IGSF23: variants seen among roughly 807,000 people sequenced by gnomAD.
IGSF23 encodes the protein immunoglobulin superfamily member 23, also known as immunoglobulin superfamily, member 23.
In IGSF23, 14 loss-of-function variants were observed where a neutral mutation model predicts 17.8. The ratio of observed to expected loss-of-function variants is 0.79; its 90% CI spans 0.52 to 1.23. The LOEUF (loss-of-function observed/expected upper bound fraction) is 1.23, where lower values mean the gene tolerates loss of function less well. Among genes scored for constraint, IGSF23 ranks in the 50% most tolerant of loss-of-function variants. IGSF23 has a pLI of 0.00. For synonymous variants in IGSF23, 85 were observed against 92.5 expected, an observed-to-expected ratio of 0.92 and a Z score of 0.46; for missense variants, 214 against 241.7, an observed-to-expected ratio of 0.89 and a Z score of 0.76.
At position 44,623,716 on chromosome 19, in the gene IGSF23, A is replaced by G; in HGVS notation, c.135A>G (p.Leu45=). 6.4e-7 allele frequency: 1 copy of G among 1,551,140 alleles called. No individual in the cohort carries two copies. The highest frequency in any genetic ancestry group is 8.7e-7 in the Non-Finnish European group (1 of 1,147,104). The change falls in exon 2 of 5, where the codon CTA becomes CTG. Residue 45 remains leucine, a synonymous_variant. Coordinates refer to ENST00000402988, the MANE Select transcript of IGSF23 (RefSeq NM_001205280.2). The part of the protein sequence containing the change: ...GDFPANLVLQ[L]MPLKTFPAAI... ...CTGTTTGCACAGACAGCCTCCAACTAATGCCACTGAAGACATTCCCAGCTG... is the reference window on the plus strand; with the variant it reads ...CTGTTTGCACAGACAGCCTCCAACTGATGCCACTGAAGACATTCCCAGCTG...
At position 44,636,668 on chromosome 19, in the gene IGSF23, A is replaced by AG. The variant is rs1491501394; in HGVS notation, c.*287dup. The AG allele has an allele frequency of 3.3e-5, 5 of 152,292 alleles. No homozygotes were observed. In the East Asian group the frequency reaches 7.7e-4, roughly 23 times the overall value. The allele number at this position is 152,292 out of a possible 1,614,324, so 9.4% of individuals were successfully genotyped here. ...TGTGGGAGCTCAGTGCTCAGAAAAC[A>AG]GGGGGGAGGTTTTACCTTGGAAATT... On this transcript the variant is annotated 3_prime_UTR_variant, in exon 5 of 5. Coordinates refer to ENST00000402988, the MANE Select transcript of IGSF23 (RefSeq NM_001205280.2).
At chr19:44,621,878 A>G (rs1002557676) in intron 1 of IGSF23, among the ~76,000 whole-genome samples, 2 of 152,186 alleles carry the variant, frequency 1.3e-5, no homozygotes, top group Non-Finnish European at 2.9e-5. Flanking sequence ...TGGGTCTCGC[A>G]TGCAGTATAA....
chr19:44,621,271 A>G (rs144566499), intron 1 of IGSF23, among the ~76,000 whole-genome samples: 2 of 136,170 alleles, frequency 1.5e-5, no homozygotes, highest in Non-Finnish European at 3.1e-5. Flanking sequence ...GGACACAGCA[A>G]GACCCTGTCT....
At chr19:44,629,939 A>G (rs965255029) in intron 3 of IGSF23, among the ~76,000 whole-genome samples, 2 of 152,046 alleles carry the variant, frequency 1.3e-5, no homozygotes, top group African/African-American at 4.8e-5. Flanking sequence ...TTTAATCTCC[A>G]TAAGAGCTGG....
At chr19:44,623,235 GGAAA>G (rs1972559652) in intron 1 of IGSF23, among the ~76,000 whole-genome samples, 1 of 152,202 alleles carries the variant, frequency 6.6e-6, no homozygotes, top group South Asian at 2.1e-4. Context: ...AGAGAAGGCA[GGAAA>G]TAATAAAAGC....
At position 44,613,665 on chromosome 19, in the gene IGSF23, G is replaced by T. The variant is rs752558678; in HGVS notation, c.20G>T (p.Ser7Ile). 19 of 1,549,270 alleles carry T rather than the reference G, an allele frequency of 1.2e-5. No homozygotes were observed. In the South Asian group the frequency reaches 2.0e-4, roughly 17 times the overall value. Reference sequence around the variant, plus strand: ...GAGAGAATGAGAGCAAAACCTCAGAGCCCCCTTCCCAGGAACCCTGTCCCA... The same window carrying T: ...GAGAGAATGAGAGCAAAACCTCAGATCCCCCTTCCCAGGAACCCTGTCCCA... MRAKPQSPLPRNPVPAW... is the reference protein window; with the variant it reads MRAKPQIPLPRNPVPAW... The change falls in exon 1 of 5, where the codon AGC becomes ATC. Residue 7 changes from serine to isoleucine, a missense_variant. Transcript: ENST00000402988.
intron 3 of IGSF23, 46 bp from the exon 4 acceptor site, chr19:44,635,355 T>C (rs1351603509): frequency 1.5e-6 from 2 of 1,346,140 alleles, no homozygotes; most frequent in Non-Finnish European, 2.0e-6. Flanking sequence ...TTATTCTCTC[T>C]CTCTCTCTCT....
rs2123711101 is a variant in IGSF23 at position 44,613,732 on chromosome 19, G to A, written c.87G>A (p.Glu29=). The change falls in exon 1 of 5, where the codon GAG becomes GAA. Residue 29 remains glutamate (E), a synonymous_variant. Coordinates refer to ENST00000402988, the MANE Select transcript of IGSF23 (RefSeq NM_001205280.2). ...CCACCACCACTGACCCGATGCTAGA[G>A]AAGGATGCGGCTGGAGGTGACTTCC... The part of the protein sequence containing the change: ...PPTTTTDPML[E]KDAAGGDFPA... 1 of 1,550,554 alleles carries A rather than the reference G, an allele frequency of 6.4e-7. No homozygotes were observed. Among genetic ancestry groups the A allele is most frequent in the East Asian group, 2.4e-5 (1 of 40,896 alleles).
rs530868097 is a variant in IGSF23 at position 44,636,630 on chromosome 19, G to A, written c.*243G>A. 4 of 152,324 alleles carry A rather than the reference G, an allele frequency of 2.6e-5. No individual in the cohort carries two copies. Among genetic ancestry groups the A allele is most frequent in the African/African-American group, 9.6e-5 (4 of 41,572 alleles). 9.4% of individuals were successfully genotyped at this position (152,324 alleles called of 1,614,324 possible). ...ACGTTGTGCAAGCAAAGCATCAGAGGCTCATCCCTGTCTGTGGGAGCTCAG... is the reference window on the plus strand; with the variant it reads ...ACGTTGTGCAAGCAAAGCATCAGAGACTCATCCCTGTCTGTGGGAGCTCAG... On this transcript the variant is annotated 3_prime_UTR_variant, in exon 5 of 5. Coordinates refer to ENST00000402988, the MANE Select transcript of IGSF23 (RefSeq NM_001205280.2).
chr19:44,636,707 AAT>A lies in IGSF23; in HGVS notation c.*323_*324del, dbSNP rs1458481535. 1 of 152,204 alleles carries A rather than the reference AAT, an allele frequency of 6.6e-6. No individual in the cohort carries two copies. Among genetic ancestry groups the A allele is most frequent in the Non-Finnish European group, 1.5e-5 (1 of 68,050 alleles). 9.4% of individuals were successfully genotyped at this position (152,204 alleles called of 1,614,324 possible). ...ACCTTGGAAATTGGCCAGACCCCAA[AAT>A]ATGTCTTTTACACATGCTGCTTTTT... On this transcript the variant is annotated 3_prime_UTR_variant, in exon 5 of 5. Coordinates refer to ENST00000402988, the MANE Select transcript of IGSF23 (RefSeq NM_001205280.2).
At chr19:44,629,632 CTTTT>C (rs11344283) in intron 3 of IGSF23, among the ~76,000 whole-genome samples, 1 of 114,122 alleles carries the variant, frequency 8.8e-6, no homozygotes, top group Admixed American at 1.0e-4. Flanking sequence ...TATATGCTTT[CTTTT>C]TTTTTTTTTT....
intron 1 of IGSF23, 146 bp from the exon 2 acceptor site, chr19:44,623,561 C>A: frequency 3.5e-6 from 3 of 868,646 alleles, no homozygotes; most frequent in Non-Finnish European, 5.4e-6. Flanking sequence ...TGGGCACAGA[C>A]CAGGCTCTTC....
intron 1 of IGSF23, chr19:44,620,864 G>C (rs1972503342): frequency 6.6e-6 from 1 of 152,208 alleles, no homozygotes; most frequent in South Asian, 2.1e-4. Context: ...TTTCTGTTTT[G>C]CACTTCAGTT....
At chr19:44,616,167 G>C (rs1402499547) in intron 1 of IGSF23, among the ~76,000 whole-genome samples, 1 of 152,058 alleles carries the variant, frequency 6.6e-6, no homozygotes, top group Admixed American at 6.5e-5. Context: ...GGCTTTATAT[G>C]GGTCTACTTT....
chr19:44,624,251 CTTCTTCTTCT>C (rs2123720754), intron 2 of IGSF23, among the ~76,000 whole-genome samples: 1 of 148,050 alleles, frequency 6.8e-6, no homozygotes, highest in Non-Finnish European at 1.5e-5. Flanking sequence ...CTTCTTCTTC[CTTCTTCTTCT>C]CCTTCTCCTT....
At chr19:44,613,997 T>G in intron 1 of IGSF23, 1 of 1,518,846 alleles carries the variant, frequency 6.6e-7, no homozygotes, top group Non-Finnish European at 8.9e-7. Flanking sequence ...AACAGGTGCG[T>G]TGGAGACAGC....
rs1451001865 is a variant in IGSF23, at chr19:44,629,229, T to C, written c.545+1656T>C. 4.6e-5 allele frequency among the ~76,000 whole-genome samples: 7 copies of C among 152,262 alleles called. No individual in the cohort carries two copies. In the East Asian group the frequency reaches 1.2e-3, roughly 25 times the overall value. The stretch of plus-strand genomic sequence containing the variant: ...GGCATCTGACTTATATTTGATCCTA[T>C]ATGTTGGCTAGTACTACAACGCTAT... On this transcript the variant is annotated intron_variant, in intron 3 of 4. Transcript: ENST00000402988.
chr19:44,631,481 G>C (rs950358129), intron 3 of IGSF23, among the ~76,000 whole-genome samples: 1 of 152,120 alleles, frequency 6.6e-6, no homozygotes, highest in African/African-American at 2.4e-5. Context: ...CCAGCTATTT[G>C]GGAGGCTGAG....
chr19:44,627,288 G>T, intron 2 of IGSF23, 132 bp from the exon 3 acceptor site: 2 of 903,014 alleles, frequency 2.2e-6, no homozygotes, highest in African/African-American at 1.7e-5. Context: ...GAGGAGAGGG[G>T]GCCAGAGACC....
Sources: allele counts gnomAD v4.1 joint callset (sites outside exome capture counted in the v4.1 genomes callset), GRCh38; gene constraint gnomAD v4.1.1; transcripts MANE v1.5; gene names NCBI Gene and HGNC (gene_info 2026-07-23, HGNC 2026-07-21).